Variants in CES1 observed in about 807,000 individuals in gnomAD.
CES1 encodes carboxylesterase 1, also known as liver carboxylesterase 1.
A neutral mutation model predicts 53.0 loss-of-function variants in CES1; 50 were observed. The ratio of observed to expected loss-of-function variants is 0.94; its 90% CI spans 0.75 to 1.19. The LOEUF is 1.19. Among genes scored for constraint, CES1 ranks in the 50% most tolerant of loss-of-function variants. The probability of loss-of-function intolerance (pLI) is 0.00; values close to 1 mark genes in which losing one functional copy is unlikely to be tolerated. For missense variants in CES1, 534 were observed against 538.0 expected, an observed-to-expected ratio of 0.99 and a Z score of 0.07; for synonymous variants, 202 against 210.1, an observed-to-expected ratio of 0.96 and a Z score of 0.33.
At chr16:55,809,093 C>CAAAA (rs376932562) in intron 11 of CES1, among the ~76,000 whole-genome samples, 14,796 of 71,192 alleles carry the variant, frequency 0.21, 2,801 homozygotes, top group South Asian at 0.29. Context: ...GTAGTCCTGG[C>CAAAA]AAAAAAAAAA....
At chr16:55,819,427 G>C (rs2032078131) in intron 7 of CES1, 108 bp downstream of exon 7, 2 of 824,406 alleles carry the variant, frequency 2.4e-6, no homozygotes, top group East Asian at 4.8e-5. Context: ...CAGATACTGA[G>C]AGTTGAGAAA....
At chr16:55,817,376 C>T (rs576105685) in intron 7 of CES1, among the ~76,000 whole-genome samples, 235 of 152,278 alleles carry the variant, frequency 1.5e-3, no homozygotes, top group Admixed American at 3.5e-3. Flanking sequence ...CTGAAGCCAT[C>T]AACTCCTGAG....
Position 55,813,002 on chromosome 16 carries a change from C to G in CES1, c.987G>C (p.Leu329=). The G allele has an allele frequency of 6.2e-7, 1 of 1,614,082 alleles. No individual in the cohort carries two copies. Among genetic ancestry groups the G allele is most frequent in the Admixed American group, 1.7e-5 (1 of 60,018 alleles). The change falls in exon 9 of 14, where the codon CTG becomes CTC. Residue 329 remains leucine, a synonymous_variant. Transcript: ENST00000360526. The part of the protein sequence containing the change: ...LLGTVIDGML[L]LKTPEELQAE... ...CTTGAAGCTCTTCAGGTGTTTTCAG[C>G]AGCAGCATCCCATCAATCACAGTGC...
At position 55,823,672 on chromosome 16, in the gene CES1, C is replaced by G. The variant is rs2032305110; in HGVS notation, c.417G>C (p.Trp139Cys). 6.2e-7 allele frequency: 1 copy of G among 1,613,976 alleles called. No individual in the cohort carries two copies. Among genetic ancestry groups the G allele is most frequent in the African/African-American group, 1.3e-5 (1 of 74,938 alleles). Residue 139 changes from tryptophan to cysteine, a missense_variant, in exon 4 of 14, where the codon TGG (tryptophan) becomes TGC (cysteine). Around this residue, in one of 5 missense-constraint regions of CES1, gnomAD observed 4 missense variants for 50.0 expected, o/e 0.08. Coordinates refer to ENST00000360526, the MANE Select transcript of CES1 (RefSeq NM_001025195.2). ...CCACCATCAGCCCCCCTCCGTGGAT[C>G]CACACCATCACCTGGGCAGAGAGGA... ...TKKNRLPVMV[W>C]IHGGGLMVGA...
At chr16:55,808,553 T>G (rs147856125) in intron 11 of CES1, among the ~76,000 whole-genome samples, 36 of 152,358 alleles carry the variant, frequency 2.4e-4, no homozygotes, top group Non-Finnish European at 4.0e-4. Flanking sequence ...TGCAGTGGAA[T>G]GCAATTTTAC....
intron 1 of CES1, among the ~76,000 whole-genome samples, chr16:55,830,428 T>TC (rs1412736241): frequency 4.0e-5 from 6 of 151,678 alleles, no homozygotes; most frequent in South Asian, 2.1e-4. Context: ...CCTGAAATCC[T>TC]CCCCCCCATC....
chr16:55,821,874 C>A (rs1281056096), intron 4 of CES1, among the ~76,000 whole-genome samples: 1 of 152,126 alleles, frequency 6.6e-6, no homozygotes. Context: ...AGTCAAAGTG[C>A]ACTGAGGTAA....
intron 9 of CES1, among the ~76,000 whole-genome samples, chr16:55,811,219 A>AG (rs1487912979): frequency 1.8e-3 from 275 of 151,414 alleles, no homozygotes; most frequent in Admixed American, 2.8e-3. Context: ...ACAAAAAAAA[A>AG]AAACAAAAAA....
chr16:55,813,484 A>C (rs1371080999), intron 8 of CES1, among the ~76,000 whole-genome samples: 86 of 152,148 alleles, frequency 5.7e-4, no homozygotes, highest in Admixed American at 9.2e-4. Flanking sequence ...CTCTGGCCAC[A>C]ACATTTTCAT....
rs559536448 is a variant in CES1, at chr16:55,813,098, C to T, written c.946-55G>A. The stretch of plus-strand genomic sequence containing the variant: ...TTCCCTCCCTAGTCACACCCATGTC[C>T]CCAACTCTGCCTGTCTGAGGGTGAG... On this transcript the variant is annotated intron_variant, in intron 8 of 13. Transcript: ENST00000360526. 2.5e-6 allele frequency: 4 copies of T among 1,609,736 alleles called. No homozygotes were observed. In the South Asian group the frequency reaches 4.4e-5, roughly 18 times the overall value.
intron 1 of CES1, among the ~76,000 whole-genome samples, chr16:55,830,434 C>G (rs1207379451): frequency 2.6e-5 from 4 of 152,096 alleles, no homozygotes; most frequent in East Asian, 1.9e-4. Flanking sequence ...ATCCTCCCCC[C>G]CATCTTAATT....
At chr16:55,823,917 A>G (rs1232806529) in intron 3 of CES1, among the ~76,000 whole-genome samples, 3 of 152,208 alleles carry the variant, frequency 2.0e-5, no homozygotes, top group Non-Finnish European at 1.5e-5. Flanking sequence ...CTTTCTACCC[A>G]GCCTCCAGTG....
chr16:55,830,706 GAAGAAGGA>G (rs1389908700), intron 1 of CES1, among the ~76,000 whole-genome samples: 1 of 149,860 alleles, frequency 6.7e-6, no homozygotes, highest in Non-Finnish European at 1.5e-5. Context: ...CAGAGAGAGA[GAAGAAGGA>G]AAGAAGGAAA....
chr16:55,813,350 G>A, intron 8 of CES1, among the ~76,000 whole-genome samples: 1 of 152,136 alleles, frequency 6.6e-6, no homozygotes, highest in East Asian at 1.9e-4. Context: ...ATTTTCCTCT[G>A]TGTGTCCACA....
At chr16:55,815,735 G>A (rs1597073328) in intron 8 of CES1, among the ~76,000 whole-genome samples, 2 of 151,846 alleles carry the variant, frequency 1.3e-5, no homozygotes, top group African/African-American at 4.9e-5. Context: ...TGGCAATGCA[G>A]TGGCTGCCCA....
intron 11 of CES1, among the ~76,000 whole-genome samples, chr16:55,809,408 A>G (rs1158491510): frequency 2.6e-5 from 4 of 152,226 alleles, no homozygotes; most frequent in African/African-American, 4.8e-5. Flanking sequence ...CTAAATTTAA[A>G]AACCCTTCCA....
At chr16:55,831,227 G>A (rs1157513901) in intron 1 of CES1, among the ~76,000 whole-genome samples, 2 of 152,150 alleles carry the variant, frequency 1.3e-5, no homozygotes, top group Non-Finnish European at 1.5e-5. Context: ...AGGGGAGAGA[G>A]AACGTTCCCA....
intron 1 of CES1, among the ~76,000 whole-genome samples, chr16:55,830,899 G>T (rs1371601888): frequency 3.9e-5 from 6 of 152,036 alleles, no homozygotes; most frequent in African/African-American, 1.5e-4. Flanking sequence ...GAAAAGACTT[G>T]GTCCCTGACC....
chr16:55,812,571 C>T (rs1334659982), intron 9 of CES1: 2 of 405,478 alleles, frequency 4.9e-6, no homozygotes, highest in Non-Finnish European at 9.4e-6. Flanking sequence ...ACTGCTTCTC[C>T]GGACTCCTCC....
Sources: allele counts gnomAD v4.1 joint callset (sites outside exome capture counted in the v4.1 genomes callset), GRCh38; gene constraint gnomAD v4.1.1; regional missense constraint gnomAD v4.1.1; transcripts MANE v1.5; gene names NCBI Gene and HGNC (gene_info 2026-07-23, HGNC 2026-07-21).